SLC4A7: variants seen among roughly 807,000 people sequenced by gnomAD.
SLC4A7 encodes solute carrier family 4 member 7, also known as sodium bicarbonate cotransporter 3.
SLC4A7 carries 51 observed loss-of-function variants against 137.6 expected under a neutral mutation model. The observed-to-expected ratio is 0.37, with a 90% CI of 0.30 to 0.47. SLC4A7 has a LOEUF of 0.47. Among genes scored for constraint, SLC4A7 ranks in the 20% least tolerant of loss-of-function variants. The pLI is 1.00. For synonymous variants in SLC4A7, 542 were observed against 518.6 expected (o/e 1.05, Z -0.61); for missense variants, 1,247 against 1,525.4 (o/e 0.82, Z 3.04).
chr3:27,461,386 G>C (rs1210450314), intron 1 of SLC4A7, among the ~76,000 whole-genome samples: 1 of 151,658 alleles, frequency 6.6e-6, no homozygotes, highest in Non-Finnish European at 1.5e-5. Context: ...GTGACGAAGC[G>C]AGACACTGTC....
chr3:27,387,222 A>C (rs1360705932), intron 22 of SLC4A7, among the ~76,000 whole-genome samples: 1 of 152,196 alleles, frequency 6.6e-6, no homozygotes, highest in Non-Finnish European at 1.5e-5. Context: ...AATCCTTCTT[A>C]GTTATAATTA....
At chr3:27,448,620 A>G in intron 3 of SLC4A7, 31 bp downstream of exon 3, 1 of 1,575,622 alleles carries the variant, frequency 6.3e-7, no homozygotes, top group Non-Finnish European at 8.6e-7. Flanking sequence ...TAGGAACTTT[A>G]AACTGCTAAA....
At chr3:27,473,109 T>TA (rs1422068736) in intron 1 of SLC4A7, among the ~76,000 whole-genome samples, 1 of 150,828 alleles carries the variant, frequency 6.6e-6, no homozygotes, top group East Asian at 2.0e-4. Context: ...AGAATCAGCT[T>TA]AAAAAATGGA....
intron 1 of SLC4A7, among the ~76,000 whole-genome samples, chr3:27,473,088 A>ATTT (rs2059320537): frequency 6.6e-6 from 1 of 151,854 alleles, no homozygotes; most frequent in African/African-American, 2.4e-5. Flanking sequence ...TCAAAAAAAA[A>ATTT]AAAAAGGATT....
intron 12 of SLC4A7, among the ~76,000 whole-genome samples, 157 bp from the exon 13 acceptor site, chr3:27,409,687 T>C (rs898596108): frequency 6.6e-6 from 1 of 152,210 alleles, no homozygotes; most frequent in African/African-American, 2.4e-5. Flanking sequence ...GATACACTCA[T>C]TTAATCTAAT....
intron 11 of SLC4A7, among the ~76,000 whole-genome samples, chr3:27,415,871 T>C (rs564324648): frequency 5.8e-4 from 89 of 152,368 alleles, no homozygotes; most frequent in African/African-American, 2.1e-3. Context: ...GCAAAAGTGT[T>C]CATGCCTGCT....
intron 15 of SLC4A7, among the ~76,000 whole-genome samples, 172 bp downstream of exon 15, chr3:27,402,967 T>G (rs2052938330): frequency 6.6e-6 from 1 of 152,178 alleles, no homozygotes; most frequent in Non-Finnish European, 1.5e-5. Flanking sequence ...ATATTTTTGT[T>G]CATTGAATGC....
chr3:27,392,631 A>T (rs895762088), intron 20 of SLC4A7, among the ~76,000 whole-genome samples: 1 of 152,024 alleles, frequency 6.6e-6, no homozygotes, highest in Non-Finnish European at 1.5e-5. Context: ...TTCGAGACCA[A>T]CCTGGCTAAC....
intron 11 of SLC4A7, 129 bp from the exon 12 acceptor site, chr3:27,411,877 G>C: frequency 2.4e-6 from 1 of 412,982 alleles, no homozygotes; most frequent in Non-Finnish European, 4.3e-6. Context: ...GAAAAGAATG[G>C]TTCCTAAAAT....
chr3:27,380,451 A>G (rs13082777), intron 24 of SLC4A7, among the ~76,000 whole-genome samples: 32,497 of 152,058 alleles, frequency 0.21, 3,558 homozygotes, highest in Non-Finnish European at 0.25. Flanking sequence ...GGGGCTCAAG[A>G]TTGTCCATCA....
intron 12 of SLC4A7, among the ~76,000 whole-genome samples, chr3:27,410,332 T>C (rs896509797): frequency 6.6e-6 from 1 of 152,176 alleles, no homozygotes; most frequent in Non-Finnish European, 1.5e-5. Context: ...TGGGAAATAG[T>C]AGGCACTCAA....
chr3:27,374,346 T>C lies in SLC4A7; in HGVS notation c.*2418A>G, dbSNP rs2049758892. ...GGTTTAATTATTTTGCACCTTGAGGTAAATCAGTACATAGCAACTACTACT... is the reference window on the plus strand; with the variant it reads ...GGTTTAATTATTTTGCACCTTGAGGCAAATCAGTACATAGCAACTACTACT... On this transcript the variant is annotated 3_prime_UTR_variant, in exon 26 of 26. Transcript: ENST00000454389. The C allele has an allele frequency of 6.6e-6, 1 of 152,534 alleles. No homozygotes were observed. Among genetic ancestry groups the C allele is most frequent in the Non-Finnish European group, 1.5e-5 (1 of 67,932 alleles). The allele number at this position is 152,534 out of a possible 1,614,324, so 9.4% of individuals were successfully genotyped here.
chr3:27,376,977 A>C, intron 25 of SLC4A7, 132 bp from the exon 26 acceptor site: 1 of 367,754 alleles, frequency 2.7e-6, no homozygotes, highest in Non-Finnish European at 4.8e-6. Context: ...TGCTAATTTT[A>C]GCTTTTCTAA....
intron 20 of SLC4A7, among the ~76,000 whole-genome samples, chr3:27,392,172 A>G (rs185393083): frequency 6.6e-6 from 1 of 152,340 alleles, no homozygotes; most frequent in Non-Finnish European, 1.5e-5. Context: ...TTAAGCACAC[A>G]AAAAGTGACA....
chr3:27,382,561 A>G (rs987952243), intron 24 of SLC4A7, among the ~76,000 whole-genome samples: 4 of 152,234 alleles, frequency 2.6e-5, no homozygotes, highest in African/African-American at 9.6e-5. Flanking sequence ...AAATTTAAAT[A>G]TAAATCATCA....
rs560855026 is a variant in SLC4A7 at position 27,471,023 on chromosome 3, C to T, written c.60+13044G>A. ...TTTTGCATCACAACCCAGTACATAA[C>T]ATACCTCTTCACTTGATCTTAGCCA... On this transcript the variant is annotated intron_variant, in intron 1 of 25. Transcript: ENST00000454389. Among the ~76,000 whole-genome samples the T allele has an allele frequency of 1.1e-4, 16 of 152,268 alleles. No homozygotes were observed. The South Asian group carries it at 3.3e-3, about 32-fold the overall frequency.
intron 22 of SLC4A7, among the ~76,000 whole-genome samples, chr3:27,386,811 T>G (rs1300502300): frequency 6.6e-6 from 1 of 152,148 alleles, no homozygotes; most frequent in Admixed American, 6.6e-5. Context: ...TATACAATAC[T>G]CTTTTACATT....
chr3:27,447,633 T>C (rs906210803), intron 3 of SLC4A7, among the ~76,000 whole-genome samples: 3 of 145,928 alleles, frequency 2.1e-5, no homozygotes, highest in Non-Finnish European at 4.5e-5. Flanking sequence ...CCTCAGGTTT[T>C]ACAGCCCTTT....
intron 1 of SLC4A7, among the ~76,000 whole-genome samples, chr3:27,468,039 T>TCCTC (rs1157747260): frequency 6.6e-6 from 1 of 152,200 alleles, no homozygotes; most frequent in East Asian, 1.9e-4. Flanking sequence ...TTCTCCTGCC[T>TCCTC]CAGCCTCCCA....
Sources: gnomAD v4.1 joint callset for allele counts (sites outside exome capture counted in the v4.1 genomes callset) on GRCh38, gnomAD v4.1.1 for gene constraint, MANE v1.5 for transcripts, NCBI Gene and HGNC (gene_info 2026-07-23, HGNC 2026-07-21) for gene names.